CADPS: variants seen among roughly 807,000 people sequenced by gnomAD.
CADPS encodes calcium dependent secretion activator, also known as calcium-dependent secretion activator 1.
Under a neutral mutation model 167.3 loss-of-function variants are expected in CADPS, and 57 were observed. That is an observed-to-expected ratio of 0.34 (90% CI 0.28 to 0.42). The LOEUF (loss-of-function observed/expected upper bound fraction) is 0.42, where lower values mean the gene tolerates loss of function less well. CADPS is among the 20% of genes least tolerant of loss of function. CADPS has a pLI of 1.00. For synonymous variants in CADPS, 676 were observed against 635.3 expected (o/e 1.06, Z -0.96); for missense variants, 1,414 against 1,738.1 (o/e 0.81, Z 3.32).
chr3:62,549,425 G>T (rs1441892890), intron 11 of CADPS, among the ~76,000 whole-genome samples: 1 of 141,794 alleles, frequency 7.1e-6, no homozygotes, highest in Non-Finnish European at 1.5e-5. Flanking sequence ...CTCGGAATGG[G>T]ATTTTAGGTA....
Position 62,650,835 on chromosome 3 carries a change from AG to A in CADPS, c.1203+11del. ...TGTGCCAAGAAACTTTCAAGGGCTCAGGGCTTTTTACCTCCAATGAGAAAGA... is the reference window on the plus strand; with the variant it reads ...TGTGCCAAGAAACTTTCAAGGGCTCAGGCTTTTTACCTCCAATGAGAAAGA... On this transcript the variant is annotated intron_variant, in intron 5 of 29. Coordinates refer to ENST00000383710, the MANE Select transcript of CADPS (RefSeq NM_003716.4). The A allele has an allele frequency of 6.2e-7, 1 of 1,607,506 alleles. No individual in the cohort carries two copies. The highest frequency in any genetic ancestry group is 8.5e-7 in the Non-Finnish European group (1 of 1,174,230).
At chr3:62,599,886 TA>T (rs1223163962) in intron 6 of CADPS, among the ~76,000 whole-genome samples, 1 of 80,330 alleles carries the variant, frequency 1.2e-5, no homozygotes, top group Admixed American at 2.2e-4. Flanking sequence ...ATAATATATA[TA>T]TATTATATAT....
intron 1 of CADPS, among the ~76,000 whole-genome samples, chr3:62,848,803 C>CTT (rs1448953409): frequency 3.6e-5 from 4 of 112,276 alleles, no homozygotes; most frequent in African/African-American, 1.4e-4. Context: ...GTAGTTTTTT[C>CTT]CAATTCTGTG....
chr3:62,679,949 T>C (rs2076891622), intron 3 of CADPS, among the ~76,000 whole-genome samples: 1 of 152,006 alleles, frequency 6.6e-6, no homozygotes, highest in South Asian at 2.1e-4. Flanking sequence ...ATTGATAAAT[T>C]AATTATAATT....
intron 28 of CADPS, among the ~76,000 whole-genome samples, chr3:62,422,957 T>G (rs1343873623): frequency 6.6e-6 from 1 of 152,248 alleles, no homozygotes; most frequent in Non-Finnish European, 1.5e-5. Context: ...AATGCTATTG[T>G]GTTACCAACA....
chr3:62,426,663 G>A (rs1317290355), intron 28 of CADPS, among the ~76,000 whole-genome samples: 4 of 152,152 alleles, frequency 2.6e-5, no homozygotes, highest in South Asian at 4.1e-4. Context: ...TAGCTTACCC[G>A]ATGTCACACA....
chr3:62,619,085 C>T lies in CADPS; in HGVS notation c.1326-26337G>A, dbSNP rs967507262. On this transcript the variant is annotated intron_variant, in intron 6 of 29. Coordinates refer to ENST00000383710, the MANE Select transcript of CADPS (RefSeq NM_003716.4). ...CATCCATGCCCATTTACTTACAGAA[C>T]CTCTGTGGCTAATTTCATACTACAC... 2.6e-5 allele frequency among the ~76,000 whole-genome samples: 4 copies of T among 152,322 alleles called. No individual in the cohort carries two copies. In the East Asian group the frequency reaches 7.7e-4, roughly 29 times the overall value.
intron 7 of CADPS, among the ~76,000 whole-genome samples, chr3:62,589,132 A>C (rs999040961): frequency 2.6e-5 from 4 of 152,230 alleles, no homozygotes; most frequent in African/African-American, 4.8e-5. Context: ...ACAAACCAAA[A>C]AGTGGTTGAA....
chr3:62,659,388 G>T (rs537846219), intron 4 of CADPS, among the ~76,000 whole-genome samples: 1 of 152,278 alleles, frequency 6.6e-6, no homozygotes, highest in African/African-American at 2.4e-5. Flanking sequence ...TAGCCAGGCT[G>T]GTTTAGGCAA....
At chr3:62,813,189 G>C (rs1318189920) in intron 1 of CADPS, among the ~76,000 whole-genome samples, 2 of 152,048 alleles carry the variant, frequency 1.3e-5, no homozygotes, top group Non-Finnish European at 2.9e-5. Context: ...AAATTTGGAT[G>C]AATCACATTA....
rs73842460 is a variant in CADPS, at chr3:62,544,343, T to C, written c.1966+5560A>G. Among the ~76,000 whole-genome samples the C allele has an allele frequency of 0.016, 2,464 of 152,238 alleles. 71 individuals carry two copies. Among genetic ancestry groups the C allele is most frequent in the African/African-American group, 0.056 (2,329 of 41,536 alleles). The stretch of plus-strand genomic sequence containing the variant: ...GCTCAGTTAACAACTCTGGGTTTCC[T>C]ACCCCACTTATTTTTTAAGGTATCC... On this transcript the variant is annotated intron_variant, in intron 11 of 29. Coordinates refer to ENST00000383710, the MANE Select transcript of CADPS (RefSeq NM_003716.4). This position sits in a 1 kb window ranked among gnomAD's most constrained non-coding sequence, Gnocchi z 4.4.
rs534502607 is a variant in CADPS at position 62,563,132 on chromosome 3, C to A, written c.1645-5619G>T. 6.6e-5 allele frequency among the ~76,000 whole-genome samples: 10 copies of A among 152,242 alleles called. No homozygotes were observed. The South Asian group carries it at 1.4e-3, about 22-fold the overall frequency. ...AATTAGTTAACCAATACAATTCTTG[C>A]CCTTTTAAAACTTAAGTCTGTTTGG... is the stretch of plus-strand genomic sequence containing the variant. On this transcript the variant is annotated intron_variant, in intron 9 of 29. Coordinates refer to ENST00000383710, the MANE Select transcript of CADPS (RefSeq NM_003716.4).
intron 17 of CADPS, among the ~76,000 whole-genome samples, chr3:62,501,362 T>C (rs1345872849): frequency 6.6e-5 from 10 of 152,232 alleles, no homozygotes; most frequent in Non-Finnish European, 1.3e-4. Flanking sequence ...ACATACTGTG[T>C]ATATATTTTT....
intron 26 of CADPS, among the ~76,000 whole-genome samples, chr3:62,464,552 C>T (rs1355944569): frequency 6.6e-6 from 1 of 152,182 alleles, no homozygotes. Flanking sequence ...GCCCCCGAAG[C>T]AGTCCATTTA....
At chr3:62,867,905 G>A (rs1577623857) in intron 1 of CADPS, among the ~76,000 whole-genome samples, 2 of 152,006 alleles carry the variant, frequency 1.3e-5, no homozygotes, top group African/African-American at 4.8e-5. Context: ...GCCTCAGAGA[G>A]GTTAATTGTC....
At chr3:62,739,137 G>A (rs1387491754) in intron 3 of CADPS, among the ~76,000 whole-genome samples, 1 of 152,184 alleles carries the variant, frequency 6.6e-6, no homozygotes, top group Non-Finnish European at 1.5e-5. Context: ...GGAAGCAACA[G>A]TATGACAGTT....
intron 1 of CADPS, among the ~76,000 whole-genome samples, chr3:62,810,181 G>A (rs1028955161): frequency 6.6e-6 from 1 of 152,106 alleles, no homozygotes; most frequent in Non-Finnish European, 1.5e-5. Flanking sequence ...ATGGAGAGTA[G>A]TCCTCAAAAG....
At chr3:62,570,591 C>G (rs1307548513) in intron 9 of CADPS, among the ~76,000 whole-genome samples, 1 of 152,138 alleles carries the variant, frequency 6.6e-6, no homozygotes, top group African/African-American at 2.4e-5. Flanking sequence ...ACTTATCTCA[C>G]ATACTACTGT....
intron 1 of CADPS, among the ~76,000 whole-genome samples, chr3:62,785,621 C>T (rs2092342154): frequency 6.6e-6 from 1 of 152,144 alleles, no homozygotes; most frequent in Non-Finnish European, 1.5e-5. Flanking sequence ...GGTGAGTAAG[C>T]TGATGATAAG....
Sources: gnomAD v4.1 joint callset for allele counts (sites outside exome capture counted in the v4.1 genomes callset) on GRCh38, gnomAD v4.1.1 for gene constraint, Gnocchi (gnomAD v3.1) non-coding constraint, MANE v1.5 for transcripts, NCBI Gene and HGNC (gene_info 2026-07-23, HGNC 2026-07-21) for gene names.